The following GABBR2 variants were observed in gnomAD, a reference collection of about 807,000 sequenced individuals.
GABBR2 encodes G-protein coupled receptor 51.
Under a neutral mutation model 105.6 loss-of-function variants are expected in GABBR2, and 23 were observed. The observed-to-expected ratio is 0.22, with a 90% confidence interval of 0.16 to 0.31. GABBR2 has a LOEUF of 0.31. Among genes scored for constraint, GABBR2 ranks in the 10% least tolerant of loss-of-function variants. The pLI is 1.00. For missense variants in GABBR2, 734 were observed against 1,245.5 expected (o/e 0.59, Z 6.18); for synonymous variants, 478 against 499.7 (o/e 0.96, Z 0.58).
intron 4 of GABBR2, among the ~76,000 whole-genome samples, chr9:98,492,322 T>C (rs1212345594): frequency 2.4e-5 from 3 of 123,964 alleles, no homozygotes; most frequent in Admixed American, 2.1e-4. Context: ...TAGGTCTGTC[T>C]TGAGCCCGCT....
Position 98,647,847 on chromosome 9 carries a change from G to A in GABBR2, c.321+60570C>T, listed in dbSNP as rs12337386. On this transcript the variant is annotated intron_variant, in intron 1 of 18. Coordinates refer to ENST00000259455, the MANE Select transcript of GABBR2 (RefSeq NM_005458.8). ...TTACCTCGAGCGCTGGCTCTGATACGAAGGTTAGTCACTGAAAAGATGCCA... is the reference window on the plus strand; with the variant it reads ...TTACCTCGAGCGCTGGCTCTGATACAAAGGTTAGTCACTGAAAAGATGCCA... Among the ~76,000 whole-genome samples the A allele has an allele frequency of 9.4e-3, 1,427 of 152,220 alleles. 10 individuals are homozygous for A. The highest frequency in any genetic ancestry group is 0.024 in the South Asian group (118 of 4,820).
At chr9:98,399,830 G>A (rs1011874155) in intron 8 of GABBR2, among the ~76,000 whole-genome samples, 1 of 152,146 alleles carries the variant, frequency 6.6e-6, no homozygotes, top group Non-Finnish European at 1.5e-5. Context: ...TCTAGCTTAT[G>A]TAAGGAACTT....
rs1390454893 is a variant in GABBR2 at position 98,603,331 on chromosome 9, A to G, written c.322-25259T>C. 2.0e-5 allele frequency among the ~76,000 whole-genome samples: 3 copies of G among 152,200 alleles called. No homozygotes were observed. In the East Asian group the frequency reaches 5.8e-4, roughly 29 times the overall value. The stretch of plus-strand genomic sequence containing the variant: ...TCTCAGGCAAAGGATTTGGTCTGGA[A>G]CTTTTCCACTGTGTTTCCTCAATGG... On this transcript the variant is annotated intron_variant, in intron 1 of 18. Coordinates refer to ENST00000259455, the MANE Select transcript of GABBR2 (RefSeq NM_005458.8).
chr9:98,690,106 C>T (rs1830666610), intron 1 of GABBR2, among the ~76,000 whole-genome samples: 1 of 152,206 alleles, frequency 6.6e-6, no homozygotes. Flanking sequence ...ACACCTATCA[C>T]AGCAGGGCTC....
At chr9:98,625,893 C>T (rs145467408) in intron 1 of GABBR2, among the ~76,000 whole-genome samples, 21 of 152,282 alleles carry the variant, frequency 1.4e-4, no homozygotes, top group Admixed American at 7.2e-4. Context: ...AGCCAAGGAG[C>T]ACACAATATG....
At chr9:98,359,011 A>G (rs1211347006) in intron 13 of GABBR2, among the ~76,000 whole-genome samples, 1 of 152,216 alleles carries the variant, frequency 6.6e-6, no homozygotes, top group Non-Finnish European at 1.5e-5. Flanking sequence ...CCTCATCTAT[A>G]AAATGGGGGC....
intron 1 of GABBR2, among the ~76,000 whole-genome samples, chr9:98,641,877 C>G (rs1005511892): frequency 1.3e-5 from 2 of 152,170 alleles, no homozygotes; most frequent in African/African-American, 4.8e-5. Context: ...CCCCCACAGT[C>G]CCTGAGCCTG....
At chr9:98,618,200 C>A (rs1829615114) in intron 1 of GABBR2, among the ~76,000 whole-genome samples, 1 of 152,166 alleles carries the variant, frequency 6.6e-6, no homozygotes, top group South Asian at 2.1e-4. Flanking sequence ...TGAAGGGCAT[C>A]CACCTTTATT....
intron 2 of GABBR2, among the ~76,000 whole-genome samples, chr9:98,561,828 G>GAGCT (rs1299285381): frequency 6.6e-6 from 1 of 152,202 alleles, no homozygotes; most frequent in Non-Finnish European, 1.5e-5. Context: ...AGGTTACAGT[G>GAGCT]AGCTATGATC....
At chr9:98,309,896 C>T (rs1414060512) in intron 14 of GABBR2, among the ~76,000 whole-genome samples, 3 of 152,258 alleles carry the variant, frequency 2.0e-5, no homozygotes, top group African/African-American at 4.8e-5. Flanking sequence ...CTGGCATGGC[C>T]TCTCAAAGGA....
intron 1 of GABBR2, among the ~76,000 whole-genome samples, chr9:98,616,782 C>T (rs896405194): frequency 6.6e-6 from 1 of 151,742 alleles, no homozygotes; most frequent in African/African-American, 2.4e-5. Context: ...AAGTCTTCTA[C>T]TTTGGCAGTT....
chr9:98,415,644 A>AT (rs953069417), intron 7 of GABBR2, among the ~76,000 whole-genome samples: 15 of 152,038 alleles, frequency 9.9e-5, no homozygotes, highest in East Asian at 3.9e-4. Flanking sequence ...GTTATTTAAG[A>AT]TTTTTTTCCC....
At chr9:98,385,924 A>G (rs1288191596) in intron 10 of GABBR2, 152 bp from the exon 11 acceptor site, 1 of 627,338 alleles carries the variant, frequency 1.6e-6, no homozygotes, top group Non-Finnish European at 2.8e-6. Context: ...CTCAGGGGAC[A>G]CATCAGCAGG....
rs567634007 is a variant in GABBR2 at position 98,372,910 on chromosome 9, T to C, written c.1663-1339A>G. On this transcript the variant is annotated intron_variant, in intron 11 of 18. Transcript: ENST00000259455. ...TTCAGAAACACAGGCCTGTGAACCA[T>C]GAATGCTGTGAGGGTACAGGTGGGT... Among the ~76,000 whole-genome samples, 12 of 152,324 alleles carry C rather than the reference T, an allele frequency of 7.9e-5. No individual in the cohort carries two copies. In the South Asian group the frequency reaches 1.5e-3, roughly 18 times the overall value.
chr9:98,405,448 A>G (rs1832473364), intron 8 of GABBR2, among the ~76,000 whole-genome samples: 1 of 152,008 alleles, frequency 6.6e-6, no homozygotes, highest in African/African-American at 2.4e-5. Context: ...AACACCCCAA[A>G]CCCCACAACA....
At chr9:98,575,589 TCTAA>T (rs1828895966) in intron 2 of GABBR2, among the ~76,000 whole-genome samples, 1 of 152,130 alleles carries the variant, frequency 6.6e-6, no homozygotes, top group Non-Finnish European at 1.5e-5. Context: ...AGCACATGGC[TCTAA>T]CTAATAGAGA....
At chr9:98,538,285 T>C (rs1312654968) in intron 3 of GABBR2, among the ~76,000 whole-genome samples, 7 of 152,202 alleles carry the variant, frequency 4.6e-5, no homozygotes, top group Non-Finnish European at 5.9e-5. Flanking sequence ...TCAGCCCACC[T>C]GGTACCAAAT....
intron 8 of GABBR2, among the ~76,000 whole-genome samples, chr9:98,396,556 T>C (rs925335416): frequency 1.3e-5 from 2 of 152,200 alleles, no homozygotes; most frequent in African/African-American, 4.8e-5. Flanking sequence ...AAGCGGCTGT[T>C]GCTTACCTGG....
At chr9:98,615,163 C>G (rs896769895) in intron 1 of GABBR2, among the ~76,000 whole-genome samples, 3 of 152,206 alleles carry the variant, frequency 2.0e-5, no homozygotes, top group Admixed American at 1.3e-4. Context: ...GGATGCCACC[C>G]AACTCACCCC....
Sources: allele counts gnomAD v4.1 joint callset (sites outside exome capture counted in the v4.1 genomes callset), GRCh38; gene constraint gnomAD v4.1.1; transcripts MANE v1.5; gene names NCBI Gene and HGNC (gene_info 2026-07-23, HGNC 2026-07-21).